OTUD7A: variants seen among roughly 807,000 people sequenced by gnomAD.
OTUD7A encodes OTU deubiquitinase 7A.
OTUD7A carries 12 observed loss-of-function variants against 65.7 expected under a neutral mutation model. That is an observed-to-expected ratio of 0.18 (90% CI 0.12 to 0.30). OTUD7A has a LOEUF of 0.30. Ranked by LOEUF, OTUD7A falls within the 10% of genes least tolerant of loss-of-function variation. The pLI, the probability that OTUD7A is intolerant of heterozygous loss-of-function variation, is 1.00. For missense variants in OTUD7A, 1,148 were observed against 1,304.8 expected, an observed-to-expected ratio of 0.88 and a Z score of 1.85; for synonymous variants, 641 against 586.3, an observed-to-expected ratio of 1.09 and a Z score of -1.35.
At chr15:31,524,330 G>A (rs1297290111) in intron 8 of OTUD7A, among the ~76,000 whole-genome samples, 1 of 152,186 alleles carries the variant, frequency 6.6e-6, no homozygotes, top group East Asian at 1.9e-4. Flanking sequence ...CTGGTCAAAA[G>A]AGGAGACTTA....
chr15:31,535,828 C>G (rs911720644), intron 5 of OTUD7A, among the ~76,000 whole-genome samples: 1 of 151,892 alleles, frequency 6.6e-6, no homozygotes, highest in Non-Finnish European at 1.5e-5. Context: ...AGGTGCCCAC[C>G]ACCACGCCTG....
chr15:31,853,723 C>T (rs1300377448), intron 1 of OTUD7A, among the ~76,000 whole-genome samples: 1 of 152,246 alleles, frequency 6.6e-6, no homozygotes, highest in East Asian at 1.9e-4. Flanking sequence ...ATCTAGGGAA[C>T]ACAGCCTGCC....
intron 8 of OTUD7A, among the ~76,000 whole-genome samples, chr15:31,511,961 T>A (rs1052853085): frequency 6.6e-5 from 10 of 152,112 alleles, no homozygotes; most frequent in African/African-American, 1.9e-4. Context: ...GGATTTTTTT[T>A]ACCTTTTTTT....
At chr15:31,664,996 T>G (rs1892280133) in intron 1 of OTUD7A, among the ~76,000 whole-genome samples, 1 of 152,216 alleles carries the variant, frequency 6.6e-6, no homozygotes, top group Admixed American at 6.5e-5. Flanking sequence ...CTGGGTTCTC[T>G]ATTGTTTTCC....
intron 1 of OTUD7A, among the ~76,000 whole-genome samples, chr15:31,818,875 A>G (rs1423265797): frequency 6.6e-6 from 1 of 152,174 alleles, no homozygotes; most frequent in Non-Finnish European, 1.5e-5. Flanking sequence ...ATGGGTGGAG[A>G]GTTTGGTAAA....
intron 1 of OTUD7A, among the ~76,000 whole-genome samples, chr15:31,717,094 T>A (rs1162459557): frequency 1.3e-5 from 2 of 152,220 alleles, no homozygotes; most frequent in Non-Finnish European, 2.9e-5. Context: ...ACAGATACTA[T>A]TCAGGTTTCA....
At chr15:31,575,266 T>C (rs1677788373) in intron 3 of OTUD7A, among the ~76,000 whole-genome samples, 1 of 152,220 alleles carries the variant, frequency 6.6e-6, no homozygotes, top group African/African-American at 2.4e-5. Context: ...TTGTACACCC[T>C]GCTTCCAGGG....
At chr15:31,582,218 C>T (rs763199960) in intron 3 of OTUD7A, among the ~76,000 whole-genome samples, 1 of 152,208 alleles carries the variant, frequency 6.6e-6, no homozygotes. Flanking sequence ...TCTGAGACCA[C>T]CTCAGCCTGA....
chr15:31,685,744 T>G (rs1469868120), intron 1 of OTUD7A, among the ~76,000 whole-genome samples: 1 of 152,212 alleles, frequency 6.6e-6, no homozygotes, highest in Non-Finnish European at 1.5e-5. Context: ...TAAATAAAGC[T>G]TTGGAACATG....
chr15:31,863,575 GC>G (rs1897800588), intron 1 of OTUD7A, among the ~76,000 whole-genome samples: 1 of 152,172 alleles, frequency 6.6e-6, no homozygotes, highest in Admixed American at 6.5e-5. Context: ...CTCTATGTAG[GC>G]CCCTTTTGGC....
At chr15:31,634,105 G>A (rs752480497) in intron 3 of OTUD7A, among the ~76,000 whole-genome samples, 1 of 152,172 alleles carries the variant, frequency 6.6e-6, no homozygotes, top group Non-Finnish European at 1.5e-5. Flanking sequence ...AAGTCTCCCA[G>A]GAGAGACCTG....
At chr15:31,507,395 G>T (rs564795034) in intron 8 of OTUD7A, among the ~76,000 whole-genome samples, 25 of 152,204 alleles carry the variant, frequency 1.6e-4, no homozygotes, top group African/African-American at 5.1e-4. Context: ...TTGCTCTTGA[G>T]TAATTTAAAG....
chr15:31,486,405 C>T (rs1240832761), intron 12 of OTUD7A, among the ~76,000 whole-genome samples: 3 of 152,204 alleles, frequency 2.0e-5, no homozygotes, highest in Admixed American at 6.5e-5. Flanking sequence ...TGCTGGCCAC[C>T]GCCCGACTCC....
chr15:31,525,931 T>C (rs925341135), intron 8 of OTUD7A, among the ~76,000 whole-genome samples: 1 of 152,202 alleles, frequency 6.6e-6, no homozygotes, highest in Non-Finnish European at 1.5e-5. Context: ...AATTAATTAG[T>C]TGGGGGAGAA....
chr15:31,848,932 GC>G (rs1222597042), intron 1 of OTUD7A, among the ~76,000 whole-genome samples: 2 of 152,154 alleles, frequency 1.3e-5, no homozygotes, highest in African/African-American at 4.8e-5. Flanking sequence ...TTAGAAACAG[GC>G]CTGCAGTTGC....
intron 1 of OTUD7A, among the ~76,000 whole-genome samples, chr15:31,735,304 T>A (rs994067414): frequency 6.6e-6 from 1 of 152,012 alleles, no homozygotes; most frequent in African/African-American, 2.4e-5. Context: ...CGGGGGTGGA[T>A]CACCTGAGGT....
chr15:31,725,473 C>T (rs931172751), intron 1 of OTUD7A, among the ~76,000 whole-genome samples: 8 of 152,172 alleles, frequency 5.3e-5, no homozygotes, highest in African/African-American at 9.7e-5. Flanking sequence ...CTGGGCATCA[C>T]GCAGAAGCCC....
At chr15:31,763,471 C>A (rs1019242269) in intron 1 of OTUD7A, among the ~76,000 whole-genome samples, 1 of 151,618 alleles carries the variant, frequency 6.6e-6, no homozygotes, top group East Asian at 1.9e-4. Flanking sequence ...GAAGAGAAAT[C>A]AATAGAAATT....
intron 1 of OTUD7A, among the ~76,000 whole-genome samples, chr15:31,762,557 C>T (rs1470416012): frequency 6.6e-6 from 1 of 152,228 alleles, no homozygotes; most frequent in African/African-American, 2.4e-5. Context: ...TAACCCTAAA[C>T]AGTACACCAA....
Sources: gnomAD v4.1 joint callset for allele counts (sites outside exome capture counted in the v4.1 genomes callset) on GRCh38, gnomAD v4.1.1 for gene constraint, MANE v1.5 for transcripts, NCBI Gene and HGNC (gene_info 2026-07-23, HGNC 2026-07-21) for gene names.